The following RAP1A variants were observed in gnomAD, a reference collection of about 807,000 sequenced individuals.
RAP1A encodes ras-related protein Rap-1A.
RAP1A carries 6 observed loss-of-function variants against 26.4 expected under a neutral mutation model. The ratio of observed to expected loss-of-function variants is 0.23; its 90% CI spans 0.12 to 0.45. The LOEUF (loss-of-function observed/expected upper bound fraction) is 0.45, where lower values mean the gene tolerates loss of function less well. Ranked by LOEUF, RAP1A falls within the 20% of genes least tolerant of loss-of-function variation. RAP1A has a pLI of 0.99. For synonymous variants in RAP1A, 73 were observed against 79.4 expected (o/e 0.92, Z 0.43); for missense variants, 121 against 217.2 (o/e 0.56, Z 2.78).
intron 1 of RAP1A, among the ~76,000 whole-genome samples, chr1:111,646,094 C>T (rs781497663): frequency 6.6e-6 from 1 of 152,208 alleles, no homozygotes; most frequent in Admixed American, 6.5e-5. Context: ...TTGCACTGCA[C>T]AATTCTTTTT....
intron 7 of RAP1A, among the ~76,000 whole-genome samples, chr1:111,710,455 A>C (rs1258333773): frequency 3.3e-5 from 5 of 152,344 alleles, no homozygotes; most frequent in Middle Eastern, 3.4e-3. Flanking sequence ...ATACCATAAA[A>C]GATTATTTTC....
chr1:111,689,595 G>A (rs922821266), intron 1 of RAP1A, among the ~76,000 whole-genome samples: 105 of 151,956 alleles, frequency 6.9e-4, no homozygotes, highest in African/African-American at 2.4e-3. Flanking sequence ...TATAATAGCC[G>A]TTTTAGAGTC....
At chr1:111,669,459 A>G (rs1660909310) in intron 1 of RAP1A, among the ~76,000 whole-genome samples, 1 of 152,248 alleles carries the variant, frequency 6.6e-6, no homozygotes, top group East Asian at 1.9e-4. Flanking sequence ...ATGAACTGGA[A>G]TGTAAACATG....
chr1:111,588,189 C>T (rs1451512613), intron 1 of RAP1A, among the ~76,000 whole-genome samples: 7 of 152,190 alleles, frequency 4.6e-5, no homozygotes, highest in Admixed American at 4.6e-4. Context: ...AGATGTGCCC[C>T]TCCTCACCCA....
chr1:111,580,869 A>AC (rs201289583), intron 1 of RAP1A, among the ~76,000 whole-genome samples: 5,575 of 150,682 alleles, frequency 0.037, 361 homozygotes, highest in African/African-American at 0.13. Context: ...AAAAAACAAA[A>AC]AAAAAACAAC....
intron 1 of RAP1A, among the ~76,000 whole-genome samples, chr1:111,553,846 A>G (rs192481508): frequency 6.6e-6 from 1 of 152,352 alleles, no homozygotes; most frequent in Admixed American, 6.5e-5. Context: ...AAAACTGTCA[A>G]GAAACTTCCT....
At chr1:111,588,058 C>G (rs1658412213) in intron 1 of RAP1A, among the ~76,000 whole-genome samples, 1 of 152,208 alleles carries the variant, frequency 6.6e-6, no homozygotes, top group Admixed American at 6.5e-5. Context: ...TGAAACTTCT[C>G]TCTGCGTTGA....
At chr1:111,606,860 A>T (rs190566881) in intron 1 of RAP1A, among the ~76,000 whole-genome samples, 2 of 152,332 alleles carry the variant, frequency 1.3e-5, no homozygotes, top group East Asian at 3.9e-4. Flanking sequence ...GAACAAAAGC[A>T]TACTCGAATG....
chr1:111,620,291 C>T (rs987682362), intron 1 of RAP1A, among the ~76,000 whole-genome samples: 3 of 152,258 alleles, frequency 2.0e-5, no homozygotes, highest in Admixed American at 2.0e-4. Context: ...GCCCATTTCC[C>T]TCGCCGTCTC....
rs780303248 is a variant in RAP1A, at chr1:111,612,561, C to T, written c.-28+70052C>T. 6.6e-5 allele frequency among the ~76,000 whole-genome samples: 10 copies of T among 152,288 alleles called. 1 individual carries two copies. Among genetic ancestry groups the T allele is most frequent in the Admixed American group, 3.3e-4 (5 of 15,294 alleles). On this transcript the variant is annotated intron_variant, in intron 1 of 7. Coordinates refer to the RAP1A transcript ENST00000356415. ...TGCCTGTATACCTTCTTTCACCACT[C>T]GGATCACCTAAGCTGAAAATATAGA... is the stretch of plus-strand genomic sequence containing the variant.
chr1:111,675,082 T>G (rs1160719691), intron 1 of RAP1A, among the ~76,000 whole-genome samples: 1 of 152,264 alleles, frequency 6.6e-6, no homozygotes, highest in African/African-American at 2.4e-5. Context: ...TTAGTGTGTT[T>G]GCTTAAGCTG....
At chr1:111,593,090 C>T (rs977726842) in intron 1 of RAP1A, among the ~76,000 whole-genome samples, 5 of 151,756 alleles carry the variant, frequency 3.3e-5, no homozygotes, top group African/African-American at 1.2e-4. Flanking sequence ...GTGGAGGGGG[C>T]GGGGAGCCGG....
chr1:111,701,905 A>AC (rs1289377132), intron 4 of RAP1A, among the ~76,000 whole-genome samples: 4 of 152,238 alleles, frequency 2.6e-5, no homozygotes, highest in African/African-American at 9.6e-5. Context: ...TGCAAACTTT[A>AC]TCAATGAAAA....
intron 1 of RAP1A, chr1:111,648,931 G>C (rs1429613552): frequency 1.4e-6 from 1 of 718,306 alleles, no homozygotes; most frequent in African/African-American, 1.7e-5. Flanking sequence ...TCCCCTTTAT[G>C]GTTCTTCTTC....
intron 1 of RAP1A, among the ~76,000 whole-genome samples, chr1:111,558,987 T>C (rs1657625884): frequency 6.6e-6 from 1 of 152,140 alleles, no homozygotes; most frequent in African/African-American, 2.4e-5. Flanking sequence ...TTCTAACATA[T>C]TAAAAATAAT....
chr1:111,591,392 TTC>T (rs1658468626), intron 1 of RAP1A, among the ~76,000 whole-genome samples: 1 of 152,216 alleles, frequency 6.6e-6, no homozygotes, highest in Admixed American at 6.5e-5. Context: ...TGTTCCATTA[TTC>T]AATGTCTTGA....
intron 1 of RAP1A, among the ~76,000 whole-genome samples, chr1:111,594,717 T>C (rs1447741356): frequency 6.6e-6 from 1 of 152,144 alleles, no homozygotes; most frequent in African/African-American, 2.4e-5. Flanking sequence ...GCTCATTTAG[T>C]CTTCTGCTCA....
intron 1 of RAP1A, among the ~76,000 whole-genome samples, chr1:111,645,685 A>C (rs116126233): frequency 6.6e-5 from 10 of 152,204 alleles, no homozygotes; most frequent in Admixed American, 2.0e-4. Flanking sequence ...CATTTACTCA[A>C]ATAACCCTGC....
intron 1 of RAP1A, among the ~76,000 whole-genome samples, chr1:111,596,574 A>C (rs1323420273): frequency 2.0e-5 from 3 of 152,232 alleles, no homozygotes; most frequent in African/African-American, 4.8e-5. Flanking sequence ...ATCTTAGTCC[A>C]TTTGAGCTGC....
Sources: allele counts gnomAD v4.1 joint callset (sites outside exome capture counted in the v4.1 genomes callset), GRCh38; gene constraint gnomAD v4.1.1; transcripts MANE v1.5; gene names NCBI Gene and HGNC (gene_info 2026-07-23, HGNC 2026-07-21).